DGKD: variants seen among roughly 807,000 people sequenced by gnomAD.
DGKD encodes DAG kinase delta.
DGKD carries 68 observed loss-of-function variants against 154.4 expected under a neutral mutation model. The observed-to-expected ratio is 0.44, with a 90% confidence interval of 0.36 to 0.54. DGKD has a LOEUF of 0.54. Among genes scored for constraint, DGKD ranks in the 20% least tolerant of loss-of-function variants. The pLI, the probability that DGKD is intolerant of heterozygous loss-of-function variation, is 0.00. For synonymous variants in DGKD, 693 were observed against 638.0 expected (o/e 1.09, Z -1.30); for missense variants, 1,343 against 1,593.6 (o/e 0.84, Z 2.68).
Position 233,445,513 on chromosome 2 carries a change from C to T in DGKD, c.1195-110C>T, listed in dbSNP as rs1232529490. 3 of 1,441,378 alleles carry T rather than the reference C, an allele frequency of 2.1e-6. No individual in the cohort carries two copies. The African/African-American group carries it at 4.3e-5, about 21-fold the overall frequency. The allele number at this position is 1,441,378 out of a possible 1,614,324, so 89.3% of individuals were successfully genotyped here. ...AAGCTGCGTGGTTTTAGGTCACGTC[C>T]CCACATTGCTAACGTAACCCTCACG... On this transcript the variant is annotated intron_variant, in intron 10 of 29. Transcript: ENST00000264057. This position sits in a 1 kb window ranked among gnomAD's most constrained non-coding sequence, Gnocchi z 5.5.
At chr2:233,361,214 A>C (rs1701767327) in intron 1 of DGKD, among the ~76,000 whole-genome samples, 1 of 152,190 alleles carries the variant, frequency 6.6e-6, no homozygotes, top group South Asian at 2.1e-4. Flanking sequence ...TTGGGATCCA[A>C]AGAAGCCACT....
At chr2:233,390,566 C>A in intron 3 of DGKD, 83 bp downstream of exon 3, 1 of 979,818 alleles carries the variant, frequency 1.0e-6, no homozygotes, top group South Asian at 1.5e-5. Context: ...CCAAGCAGTT[C>A]AAACGTTTTC....
intron 16 of DGKD, 93 bp downstream of exon 16, chr2:233,450,224 C>G (rs866330231): frequency 1.4e-6 from 2 of 1,421,338 alleles, no homozygotes; most frequent in Middle Eastern, 2.2e-4. Context: ...AGGGCACTTT[C>G]TCATAGTTGC....
intron 1 of DGKD, among the ~76,000 whole-genome samples, chr2:233,370,570 CTTTT>C (rs56301429): frequency 1.6e-5 from 2 of 123,344 alleles, no homozygotes; most frequent in Admixed American, 8.4e-5. Context: ...AGAACTTCTT[CTTTT>C]TTTTTTTTTT....
At chr2:233,376,317 G>A (rs1023526009) in intron 1 of DGKD, among the ~76,000 whole-genome samples, 3 of 152,226 alleles carry the variant, frequency 2.0e-5, no homozygotes, top group Admixed American at 6.5e-5. Context: ...GTCTAAGCAT[G>A]GAGAGAGTTG....
Position 233,434,067 on chromosome 2 carries a change from A to G in DGKD, c.349-313A>G, listed in dbSNP as rs370747782. Among the ~76,000 whole-genome samples the G allele has an allele frequency of 1.7e-4, 26 of 152,386 alleles. No individual in the cohort carries two copies. In the East Asian group the frequency reaches 3.1e-3, roughly 18 times the overall value. On this transcript the variant is annotated intron_variant, in intron 3 of 29. Transcript: ENST00000264057. ...TGTGTCTTCCACTGTTCGGAAAACA[A>G]CAGTTGTTACTTCTTTTTTTATTTC... is the stretch of plus-strand genomic sequence containing the variant.
intron 19 of DGKD, among the ~76,000 whole-genome samples, chr2:233,455,780 T>G (rs2034761): frequency 0.42 from 63,433 of 152,066 alleles, 13,454 homozygotes; most frequent in South Asian, 0.58. Flanking sequence ...CACCTGAGGG[T>G]CCAGCTTTAG....
chr2:233,371,690 C>T (rs537298907), intron 1 of DGKD, among the ~76,000 whole-genome samples: 1 of 152,256 alleles, frequency 6.6e-6, no homozygotes, highest in South Asian at 2.1e-4. Flanking sequence ...AGTCTTTGAT[C>T]CATTTTGAGT....
chr2:233,386,704 G>A (rs1298413248), intron 1 of DGKD, among the ~76,000 whole-genome samples: 4 of 152,110 alleles, frequency 2.6e-5, no homozygotes, highest in Non-Finnish European at 5.9e-5. Context: ...TGAGGTGAAT[G>A]TATAAGCCAA....
chr2:233,446,633 C>T (rs1011829873), intron 11 of DGKD, 79 bp from the exon 12 acceptor site: 54 of 1,443,860 alleles, frequency 3.7e-5, no homozygotes, highest in Admixed American at 9.4e-5. Context: ...GGCTGCCAGC[C>T]GTGAAAGCGG....
intron 3 of DGKD, among the ~76,000 whole-genome samples, chr2:233,406,352 T>G (rs927862967): frequency 6.6e-6 from 1 of 152,212 alleles, no homozygotes; most frequent in African/African-American, 2.4e-5. Context: ...AGGCCATCAT[T>G]CGATGCCCTA....
chr2:233,384,314 C>T lies in DGKD; in HGVS notation c.157-3943C>T, dbSNP rs536384107. Reference sequence around the variant, plus strand: ...ATCTTCTCGACGTGCTCTCTGCTCTCCTCCGCTTCTGCCCACTTTCTTCTT... The same window carrying T: ...ATCTTCTCGACGTGCTCTCTGCTCTTCTCCGCTTCTGCCCACTTTCTTCTT... On this transcript the variant is annotated intron_variant, in intron 1 of 29. Transcript: ENST00000264057. 5.3e-5 allele frequency among the ~76,000 whole-genome samples: 8 copies of T among 152,296 alleles called. No homozygotes were observed. In the South Asian group the frequency reaches 1.7e-3, roughly 32 times the overall value.
At chr2:233,428,279 A>T (rs932869352) in intron 3 of DGKD, among the ~76,000 whole-genome samples, 12 of 152,164 alleles carry the variant, frequency 7.9e-5, no homozygotes, top group Admixed American at 1.3e-4. Flanking sequence ...CTGGGGACCG[A>T]CATAGAGAAG....
chr2:233,446,852 C>A (rs2063091496), intron 12 of DGKD, 56 bp downstream of exon 12: 1 of 1,593,592 alleles, frequency 6.3e-7, no homozygotes. Flanking sequence ...TCAGAACTGT[C>A]CTGTCAGCGG....
rs371849616 is a variant in DGKD at position 233,434,477 on chromosome 2, A to C, written c.446A>C (p.His149Pro). 3.2e-5 allele frequency: 51 copies of C among 1,613,852 alleles called. No homozygotes were observed. Among genetic ancestry groups the C allele is most frequent in the Admixed American group, 1.7e-5 (1 of 59,954 alleles). Residue 149 changes from histidine to proline, a missense_variant, in exon 4 of 30, where the codon CAC becomes CCC. Coordinates refer to ENST00000264057, the MANE Select transcript of DGKD (RefSeq NM_152879.3). The stretch of plus-strand genomic sequence containing the variant: ...TTAAAGACTGTGCAGAACAGGGAGC[A>C]CTTTGAGGTTAAAAAAGAAAATACC... ...AALKTVQNRE[H>P]FEPTQYSMDH...
At chr2:233,369,643 C>T (rs1426809811) in intron 1 of DGKD, among the ~76,000 whole-genome samples, 1 of 152,168 alleles carries the variant, frequency 6.6e-6, no homozygotes, top group African/African-American at 2.4e-5. Flanking sequence ...GTTTGCCAGG[C>T]TGCGGGTTTG....
chr2:233,396,307 T>G (rs923441586), intron 3 of DGKD, among the ~76,000 whole-genome samples: 1 of 152,240 alleles, frequency 6.6e-6, no homozygotes, highest in African/African-American at 2.4e-5. Context: ...TGTTTTTTCC[T>G]TCTTTTCTCT....
intron 12 of DGKD, 132 bp from the exon 13 acceptor site, chr2:233,447,955 A>G: frequency 5.9e-6 from 9 of 1,515,088 alleles, no homozygotes; most frequent in Non-Finnish European, 7.9e-6. Context: ...GCTGGGTCAG[A>G]CAGTGTCTGT....
chr2:233,467,695 T>G (rs1395407960), intron 28 of DGKD, among the ~76,000 whole-genome samples: 2 of 152,182 alleles, frequency 1.3e-5, no homozygotes, highest in Admixed American at 6.5e-5. Context: ...GTCAGTAAAT[T>G]GGAGCTAAAC....
Sources: gnomAD v4.1 joint callset for allele counts (sites outside exome capture counted in the v4.1 genomes callset) on GRCh38, gnomAD v4.1.1 for gene constraint, Gnocchi (gnomAD v3.1) non-coding constraint, MANE v1.5 for transcripts, NCBI Gene and HGNC (gene_info 2026-07-23, HGNC 2026-07-21) for gene names.